The following CAMTA1 variants were observed in gnomAD, a reference collection of about 807,000 sequenced individuals.
CAMTA1 encodes calmodulin binding transcription activator 1, also known as calmodulin-binding transcription activator 1.
A neutral mutation model predicts 170.9 loss-of-function variants in CAMTA1; 27 were observed. That is an observed-to-expected ratio of 0.16 (90% CI 0.12 to 0.22). The LOEUF is 0.22. CAMTA1 is among the 10% of genes least tolerant of loss of function. CAMTA1 has a pLI of 1.00. For synonymous variants in CAMTA1, 833 were observed against 891.5 expected (o/e 0.93, Z 1.17); for missense variants, 1,619 against 2,217.2 (o/e 0.73, Z 5.42).
chr1:7,020,766 G>T (rs1701226370), intron 3 of CAMTA1, among the ~76,000 whole-genome samples: 1 of 152,212 alleles, frequency 6.6e-6, no homozygotes, highest in Non-Finnish European at 1.5e-5. Context: ...ATCAGAGACA[G>T]AGCTGGAGAG....
At chr1:6,882,624 G>C (rs974208308) in intron 3 of CAMTA1, among the ~76,000 whole-genome samples, 106 of 152,102 alleles carry the variant, frequency 7.0e-4, no homozygotes, top group African/African-American at 2.5e-3. Context: ...TTTTGCACCT[G>C]TTGACTGTAA....
intron 3 of CAMTA1, among the ~76,000 whole-genome samples, chr1:6,964,735 A>G (rs1572080316): frequency 6.6e-6 from 1 of 152,334 alleles, no homozygotes; most frequent in South Asian, 2.1e-4. Context: ...TGAGGTGCTT[A>G]GAGGAGTGGC....
intron 4 of CAMTA1, among the ~76,000 whole-genome samples, chr1:7,136,333 T>G (rs1270733386): frequency 6.6e-6 from 1 of 152,208 alleles, no homozygotes; most frequent in African/African-American, 2.4e-5. Context: ...GTTCTGTGGA[T>G]GACCTGTTTG....
At chr1:7,148,043 C>A (rs1400281113) in intron 4 of CAMTA1, among the ~76,000 whole-genome samples, 2 of 151,420 alleles carry the variant, frequency 1.3e-5, no homozygotes. Context: ...CACACTCATA[C>A]ACCATGCACG....
At chr1:7,377,534 T>A (rs946720035) in intron 5 of CAMTA1, among the ~76,000 whole-genome samples, 2 of 152,354 alleles carry the variant, frequency 1.3e-5, no homozygotes, top group East Asian at 3.9e-4. Context: ...GTCCGAGGTT[T>A]CGCTCTGGAT....
chr1:7,175,041 C>T (rs1650490320), intron 4 of CAMTA1, among the ~76,000 whole-genome samples: 1 of 152,082 alleles, frequency 6.6e-6, no homozygotes, highest in African/African-American at 2.4e-5. Context: ...TTGGTACATC[C>T]TGGTGTGTGT....
At chr1:7,601,612 C>T (rs945067760) in intron 6 of CAMTA1, among the ~76,000 whole-genome samples, 2 of 152,182 alleles carry the variant, frequency 1.3e-5, no homozygotes, top group African/African-American at 4.8e-5. Flanking sequence ...GAGGTTGTAG[C>T]GAGCCGAGAT....
intron 6 of CAMTA1, among the ~76,000 whole-genome samples, chr1:7,472,465 T>A (rs1053590971): frequency 2.0e-5 from 3 of 152,026 alleles, no homozygotes; most frequent in African/African-American, 7.2e-5. Context: ...ACACTTCACC[T>A]GGGAGAAAAC....
At position 7,562,639 on chromosome 1, in the gene CAMTA1, C is replaced by T. The variant is rs1475357757; in HGVS notation, c.511-77761C>T. The stretch of plus-strand genomic sequence containing the variant: ...TTCGGAGATGTCACCCACAACCGTC[C>T]GAAGAGATACCCAAATTGTACGCCA... On this transcript the variant is annotated intron_variant, in intron 6 of 22. Coordinates refer to ENST00000303635, the MANE Select transcript of CAMTA1 (RefSeq NM_015215.4). The surrounding 1 kb of genome is among the most constrained non-coding windows in gnomAD (Gnocchi z 4.8). Among the ~76,000 whole-genome samples, 3 of 152,186 alleles carry T rather than the reference C, an allele frequency of 2.0e-5. No homozygotes were observed. Among genetic ancestry groups the T allele is most frequent in the Non-Finnish European group, 2.9e-5 (2 of 68,038 alleles).
chr1:7,563,809 A>G (rs2094995772), intron 6 of CAMTA1, among the ~76,000 whole-genome samples: 1 of 152,232 alleles, frequency 6.6e-6, no homozygotes. Flanking sequence ...CCCAGCAAAT[A>G]TTATTGTGTG....
rs1163488943 is a variant in CAMTA1 at position 7,063,504 on chromosome 1, C to G, written c.235-27800C>G. On this transcript the variant is annotated intron_variant, in intron 3 of 22. Coordinates refer to ENST00000303635, the MANE Select transcript of CAMTA1 (RefSeq NM_015215.4). This position sits in a 1 kb window ranked among gnomAD's most constrained non-coding sequence, Gnocchi z 4.3. ...ATTGCAGATTGGAGGCAGGGGCAGA[C>G]TACCTTCTAGACAGAACTTTCCAAC... Among the ~76,000 whole-genome samples the G allele has an allele frequency of 2.6e-5, 4 of 152,348 alleles. No individual in the cohort carries two copies. Among genetic ancestry groups the G allele is most frequent in the Admixed American group, 1.3e-4 (2 of 15,306 alleles).
At chr1:7,517,637 G>A (rs1472589318) in intron 6 of CAMTA1, among the ~76,000 whole-genome samples, 2 of 150,580 alleles carry the variant, frequency 1.3e-5, no homozygotes, top group Non-Finnish European at 2.9e-5. Flanking sequence ...GAAATTCCTG[G>A]GTGGGTGACT....
chr1:7,086,506 C>T (rs892220771), intron 3 of CAMTA1, among the ~76,000 whole-genome samples: 6 of 152,166 alleles, frequency 3.9e-5, no homozygotes, highest in African/African-American at 1.4e-4. Context: ...GTGCAACCAT[C>T]TAGCTCCAGA....
At chr1:7,420,311 G>T (rs1458917084) in intron 5 of CAMTA1, among the ~76,000 whole-genome samples, 1 of 152,054 alleles carries the variant, frequency 6.6e-6, no homozygotes, top group Non-Finnish European at 1.5e-5. Context: ...CAGACCTGCT[G>T]CCCAGTGCCC....
At chr1:7,594,623 G>C (rs570315032) in intron 6 of CAMTA1, among the ~76,000 whole-genome samples, 2 of 152,364 alleles carry the variant, frequency 1.3e-5, no homozygotes, top group East Asian at 3.9e-4. Flanking sequence ...CCAGACAAGA[G>C]AGGGTGGTGA....
At chr1:6,955,402 C>A (rs1362828373) in intron 3 of CAMTA1, among the ~76,000 whole-genome samples, 1 of 152,184 alleles carries the variant, frequency 6.6e-6, no homozygotes, top group Non-Finnish European at 1.5e-5. Flanking sequence ...AGCTGAGGGG[C>A]CCCTGCTTGT....
intron 11 of CAMTA1, among the ~76,000 whole-genome samples, chr1:7,696,925 G>T (rs897659309): frequency 6.6e-6 from 1 of 152,202 alleles, no homozygotes; most frequent in African/African-American, 2.4e-5. Flanking sequence ...GCTGGTGCAG[G>T]CTGGGCTGGG....
chr1:7,293,530 C>T lies in CAMTA1; in HGVS notation c.438+43904C>T, dbSNP rs1038276334. Among the ~76,000 whole-genome samples the T allele has an allele frequency of 3.3e-5, 5 of 152,180 alleles. No individual in the cohort carries two copies. The highest frequency in any genetic ancestry group is 1.2e-4 in the African/African-American group (5 of 41,440). On this transcript the variant is annotated intron_variant, in intron 5 of 22. Coordinates refer to ENST00000303635, the MANE Select transcript of CAMTA1 (RefSeq NM_015215.4). The surrounding 1 kb of genome is among the most constrained non-coding windows in gnomAD (Gnocchi z 4.1). ...TGCATGTGTTCCCGGTTTTGTTTGTCATTTGCTTTCTTGCCATCCACTGGG... is the reference window on the plus strand; with the variant it reads ...TGCATGTGTTCCCGGTTTTGTTTGTTATTTGCTTTCTTGCCATCCACTGGG...
At chr1:7,197,598 A>T (rs2148986071) in intron 4 of CAMTA1, among the ~76,000 whole-genome samples, 1 of 150,122 alleles carries the variant, frequency 6.7e-6, no homozygotes, top group Non-Finnish European at 1.5e-5. Flanking sequence ...AGAGAGAGGA[A>T]GGAAAGGACA....
Sources: allele counts gnomAD v4.1 joint callset (sites outside exome capture counted in the v4.1 genomes callset), GRCh38; gene constraint gnomAD v4.1.1; non-coding constraint Gnocchi (gnomAD v3.1); transcripts MANE v1.5; gene names NCBI Gene and HGNC (gene_info 2026-07-23, HGNC 2026-07-21).